The following KPNA4 variants were observed in gnomAD, a reference collection of about 807,000 sequenced individuals.
KPNA4 encodes the protein importin subunit alpha-3.
A neutral mutation model predicts 71.3 loss-of-function variants in KPNA4; 13 were observed. The ratio of observed to expected loss-of-function variants is 0.18; its 90% CI spans 0.12 to 0.29. The LOEUF (loss-of-function observed/expected upper bound fraction) is 0.29, where lower values mean the gene tolerates loss of function less well. Ranked by LOEUF, KPNA4 falls within the 10% of genes least tolerant of loss-of-function variation. The pLI is 1.00. For missense variants in KPNA4, 334 were observed against 603.2 expected (o/e 0.55, Z 4.67); for synonymous variants, 189 against 195.2 (o/e 0.97, Z 0.26).
chr3:160,513,779 T>C (rs953138645), intron 13 of KPNA4, among the ~76,000 whole-genome samples: 3 of 152,186 alleles, frequency 2.0e-5, no homozygotes, highest in East Asian at 1.9e-4. Context: ...TAGAATACTA[T>C]GTAAGCATTT....
At chr3:160,542,305 G>A (rs1278509228) in intron 1 of KPNA4, among the ~76,000 whole-genome samples, 1 of 152,172 alleles carries the variant, frequency 6.6e-6, no homozygotes, top group Non-Finnish European at 1.5e-5. Flanking sequence ...ATTACATGGT[G>A]AACCAAAAGC....
chr3:160,562,237 G>A (rs1461528889), intron 1 of KPNA4, among the ~76,000 whole-genome samples: 3 of 152,024 alleles, frequency 2.0e-5, no homozygotes, highest in Non-Finnish European at 4.4e-5. Flanking sequence ...AATACAAACT[G>A]GATTTTGAAC....
intron 1 of KPNA4, among the ~76,000 whole-genome samples, chr3:160,558,758 TA>T (rs1452580381): frequency 4.6e-5 from 7 of 150,886 alleles, no homozygotes; most frequent in African/African-American, 9.8e-5. Context: ...ATACTTTTTT[TA>T]AAAAAAAAAT....
At chr3:160,509,000 A>G (rs909069428) in intron 14 of KPNA4, among the ~76,000 whole-genome samples, 36 of 152,160 alleles carry the variant, frequency 2.4e-4, no homozygotes, top group African/African-American at 8.4e-4. Flanking sequence ...CTCTGTATTT[A>G]TGTGAATTCA....
intron 1 of KPNA4, among the ~76,000 whole-genome samples, chr3:160,557,278 T>C (rs1722156495): frequency 6.6e-6 from 1 of 152,140 alleles, no homozygotes. Flanking sequence ...CAGAGACCAC[T>C]TAACATAGGT....
intron 15 of KPNA4, 64 bp from the exon 16 acceptor site, chr3:160,505,116 ATCTTTGGAACAC>A: frequency 1.2e-6 from 1 of 845,948 alleles, no homozygotes; most frequent in South Asian, 2.5e-5. Context: ...AGTTAGAATA[ATCTTTGGAACAC>A]ATAATCCAAT....
At chr3:160,548,060 C>G (rs1480952715) in intron 1 of KPNA4, among the ~76,000 whole-genome samples, 1 of 152,180 alleles carries the variant, frequency 6.6e-6, no homozygotes. Context: ...CCAAGGCGTG[C>G]TATTGTTGGG....
rs113836961 is a variant in KPNA4, at chr3:160,561,030, T to C, written c.69+4184A>G. The stretch of plus-strand genomic sequence containing the variant: ...TCAAAACAACAAAACAGCTGATCAA[T>C]TTATTAAACTCTTGCCAACCAAGCA... On this transcript the variant is annotated intron_variant, in intron 1 of 16. Transcript: ENST00000334256. Among the ~76,000 whole-genome samples the C allele has an allele frequency of 1.7e-3, 265 of 151,728 alleles. 1 individual carries two copies. Among genetic ancestry groups the C allele is most frequent in the African/African-American group, 5.9e-3 (245 of 41,550 alleles).
intron 16 of KPNA4, among the ~76,000 whole-genome samples, chr3:160,502,712 A>G (rs1332255920): frequency 6.6e-6 from 1 of 152,152 alleles, no homozygotes; most frequent in African/African-American, 2.4e-5. Flanking sequence ...AAAAAAGAGA[A>G]TATGTAAGAC....
At chr3:160,554,319 C>G (rs1722094744) in intron 1 of KPNA4, among the ~76,000 whole-genome samples, 1 of 152,200 alleles carries the variant, frequency 6.6e-6, no homozygotes, top group Admixed American at 6.5e-5. Flanking sequence ...CTCCAGATGA[C>G]TTTCAACATC....
At chr3:160,532,610 A>G (rs1381778360) in intron 5 of KPNA4, among the ~76,000 whole-genome samples, 3 of 152,224 alleles carry the variant, frequency 2.0e-5, no homozygotes, top group South Asian at 2.1e-4. Context: ...GGTTTAGCTG[A>G]TAAGTCCTCA....
At chr3:160,539,018 C>A (rs1019785079) in intron 1 of KPNA4, among the ~76,000 whole-genome samples, 1 of 152,168 alleles carries the variant, frequency 6.6e-6, no homozygotes, top group African/African-American at 2.4e-5. Context: ...GTCCCTGGTA[C>A]ACAGCAGTGT....
intron 5 of KPNA4, among the ~76,000 whole-genome samples, chr3:160,533,447 T>C (rs1560051061): frequency 7.0e-6 from 1 of 141,916 alleles, no homozygotes; most frequent in African/African-American, 2.5e-5. Context: ...AAGTGGAAAT[T>C]TAAAAAAAAA....
rs1722330835 is a variant in KPNA4 at position 160,565,430 on chromosome 3, G to A, written c.-148C>T. The A allele has an allele frequency of 1.6e-6, 1 of 641,234 alleles. No homozygotes were observed. The highest frequency in any genetic ancestry group is 2.7e-5 in the Admixed American group (1 of 36,942). The allele number at this position is 641,234 out of a possible 1,614,324, so 39.7% of individuals were successfully genotyped here. ...TTCCTTCCTCCTCTCACCTGCCTCC[G>A]CCGCGGCCTTCTCCTCTCCCCGCCC... On this transcript the variant is annotated 5_prime_UTR_variant, in exon 1 of 17. Transcript: ENST00000334256.
At chr3:160,521,427 T>G (rs1721346615) in intron 11 of KPNA4, among the ~76,000 whole-genome samples, 1 of 152,128 alleles carries the variant, frequency 6.6e-6, no homozygotes, top group Admixed American at 6.5e-5. Flanking sequence ...GGCAAAACCC[T>G]GACTGTATCA....
Position 160,535,507 on chromosome 3 carries a change from A to T in KPNA4, c.287+6T>A. The stretch of plus-strand genomic sequence containing the variant: ...AATCTAAACATGTCTTCCAAATTCA[A>T]CTTACCTAGCAGCTTGAACTGCACT... On this transcript the variant is annotated splice_donor_region_variant and intron_variant, in intron 5 of 16. Transcript: ENST00000334256. 1 of 1,591,808 alleles carries T rather than the reference A, an allele frequency of 6.3e-7. No individual in the cohort carries two copies. The highest frequency in any genetic ancestry group is 8.6e-7 in the Non-Finnish European group (1 of 1,167,544).
chr3:160,510,011 A>C, intron 13 of KPNA4, 140 bp from the exon 14 acceptor site: 2 of 636,862 alleles, frequency 3.1e-6, no homozygotes, highest in South Asian at 3.8e-5. Flanking sequence ...TTTCTTATTA[A>C]GACAGGTCTT....
chr3:160,523,016 G>A (rs1721386225), intron 10 of KPNA4, among the ~76,000 whole-genome samples: 1 of 152,054 alleles, frequency 6.6e-6, no homozygotes, highest in African/African-American at 2.4e-5. Flanking sequence ...TAGAAGTTAT[G>A]ACCAAAGGGC....
Position 160,500,642 on chromosome 3 carries a change from T to C in KPNA4, c.*1462A>G, listed in dbSNP as rs915623845. 9 of 152,618 alleles carry C rather than the reference T, an allele frequency of 5.9e-5. No homozygotes were observed. The highest frequency in any genetic ancestry group is 2.2e-4 in the African/African-American group (9 of 41,456). 9.5% of individuals were successfully genotyped at this position (152,618 alleles called of 1,614,324 possible). On this transcript the variant is annotated 3_prime_UTR_variant, in exon 17 of 17. Transcript: ENST00000334256. ...ATAACTTTTATGCAAGTTTTAAAAA[T>C]ACAAAGTTTTCTCCCTAAAGTGGCT...
Sources: gnomAD v4.1 joint callset for allele counts (sites outside exome capture counted in the v4.1 genomes callset) on GRCh38, gnomAD v4.1.1 for gene constraint, MANE v1.5 for transcripts, NCBI Gene and HGNC (gene_info 2026-07-23, HGNC 2026-07-21) for gene names.